CWC22: variants seen among roughly 807,000 people sequenced by gnomAD.
CWC22 encodes the protein CWC22 spliceosome associated protein, also known as pre-mRNA-splicing factor CWC22 homolog.
In CWC22, 53 loss-of-function variants were observed where a neutral mutation model predicts 117.2. That is an observed-to-expected ratio of 0.45 (90% CI 0.36 to 0.57). CWC22 has a LOEUF of 0.57. Ranked by LOEUF, CWC22 falls within the 20% of genes least tolerant of loss-of-function variation. The probability of loss-of-function intolerance (pLI) is 0.00; values close to 1 mark genes in which losing one functional copy is unlikely to be tolerated. For synonymous variants in CWC22, 360 were observed against 355.6 expected, an observed-to-expected ratio of 1.01 and a Z score of -0.14; for missense variants, 980 against 1,068.8, an observed-to-expected ratio of 0.92 and a Z score of 1.16.
chr2:179,993,451 T>C lies in CWC22; in HGVS notation c.-110A>G, dbSNP rs1687621585. 1.3e-6 allele frequency: 1 copy of C among 745,596 alleles called. No homozygotes were observed. Among genetic ancestry groups the C allele is most frequent in the Admixed American group, 2.2e-5 (1 of 45,778 alleles). The allele number at this position is 745,596 out of a possible 1,614,324, so 46.2% of individuals were successfully genotyped here. ...AGTTTACTTTTTCTGTCTGCAAACATCACCTATAAAATATACCAAAGAAAG... is the reference window on the plus strand; with the variant it reads ...AGTTTACTTTTTCTGTCTGCAAACACCACCTATAAAATATACCAAAGAAAG... On this transcript the variant is annotated 5_prime_UTR_variant, in exon 2 of 20. The change abolishes an upstream ATG in the 5' untranslated region. Transcript: ENST00000410053.
chr2:179,989,736 T>C (rs1687512392), intron 2 of CWC22, among the ~76,000 whole-genome samples: 1 of 152,166 alleles, frequency 6.6e-6, no homozygotes, highest in African/African-American at 2.4e-5. Context: ...TTTACCTCTG[T>C]ATATAGGTAA....
chr2:180,001,122 A>G (rs1042428015), intron 1 of CWC22, among the ~76,000 whole-genome samples: 2 of 152,170 alleles, frequency 1.3e-5, no homozygotes, highest in African/African-American at 4.8e-5. Context: ...CTGTCTCTTG[A>G]TTTACAGTAC....
Position 179,954,953 on chromosome 2 carries a change from T to C in CWC22, c.1536+4A>G. 6.5e-7 allele frequency: 1 copy of C among 1,532,982 alleles called. No individual in the cohort carries two copies. 95.0% of individuals were successfully genotyped at this position (1,532,982 alleles called of 1,614,324 possible). A position where few individuals can be genotyped will look rare whatever the true frequency, so the allele number is the denominator to read the frequency against. ...GAATTCCCTCAGTAGAGGCTGGAAC[T>C]CACCCCAGCTAATAAGCCAAAAAAT... is the stretch of plus-strand genomic sequence containing the variant. On this transcript the variant is annotated splice_donor_region_variant and intron_variant, in intron 15 of 19. Coordinates refer to ENST00000410053, the MANE Select transcript of CWC22 (RefSeq NM_020943.3).
intron 1 of CWC22, among the ~76,000 whole-genome samples, chr2:180,006,448 G>A (rs565901528): frequency 3.3e-5 from 5 of 152,296 alleles, no homozygotes; most frequent in Admixed American, 2.0e-4. Flanking sequence ...GTTATGGAAG[G>A]ATCAAGAATG....
chr2:179,969,037 T>C (rs567961572), intron 11 of CWC22, among the ~76,000 whole-genome samples: 108 of 152,278 alleles, frequency 7.1e-4, no homozygotes, highest in African/African-American at 2.0e-3. Context: ...TTGCCAATAA[T>C]TTTCAAGAGT....
chr2:179,963,215 C>T (rs1686798153), intron 13 of CWC22, among the ~76,000 whole-genome samples: 1 of 146,356 alleles, frequency 6.8e-6, no homozygotes, highest in Non-Finnish European at 1.5e-5. Context: ...CTGCTCACAA[C>T]TGATGACTGT....
chr2:179,985,145 C>G (rs1400365577), intron 4 of CWC22, among the ~76,000 whole-genome samples: 2 of 152,018 alleles, frequency 1.3e-5, no homozygotes, highest in African/African-American at 4.8e-5. Context: ...AACTTGAACT[C>G]TAATCTGCAT....
intron 1 of CWC22, among the ~76,000 whole-genome samples, chr2:179,994,164 A>G (rs1258867152): frequency 6.6e-6 from 1 of 152,240 alleles, no homozygotes. Context: ...ACTTGCATTC[A>G]AATATTTTAT....
intron 12 of CWC22, among the ~76,000 whole-genome samples, chr2:179,965,577 T>C (rs1686868465): frequency 6.6e-6 from 1 of 152,330 alleles, no homozygotes; most frequent in South Asian, 2.1e-4. Flanking sequence ...TAGAATATAA[T>C]CAAAGGCATA....
chr2:179,949,261 C>CATATA (rs1686388166), intron 19 of CWC22, among the ~76,000 whole-genome samples: 1 of 152,070 alleles, frequency 6.6e-6, no homozygotes, highest in Admixed American at 6.5e-5. Flanking sequence ...AAGAATGGGA[C>CATATA]TGGTTATTTG....
intron 13 of CWC22, among the ~76,000 whole-genome samples, chr2:179,961,405 G>T (rs1461834094): frequency 6.6e-6 from 1 of 151,848 alleles, no homozygotes; most frequent in South Asian, 2.1e-4. Flanking sequence ...GCACAACAGG[G>T]TAATAATCCA....
intron 15 of CWC22, 120 bp downstream of exon 15, chr2:179,954,837 G>A (rs1166439330): frequency 1.6e-6 from 1 of 638,670 alleles, no homozygotes; most frequent in Non-Finnish European, 2.8e-6. Flanking sequence ...AGGAAGGAGA[G>A]AATAATTTGC....
At position 179,988,643 on chromosome 2, in the gene CWC22, G is replaced by A. The variant is rs1163667396; in HGVS notation, c.29C>T (p.Pro10Leu). The A allele has an allele frequency of 6.7e-6, 10 of 1,486,654 alleles. No homozygotes were observed. Among genetic ancestry groups the A allele is most frequent in the Non-Finnish European group, 8.2e-6 (9 of 1,103,896 alleles). 92.1% of individuals were successfully genotyped at this position (1,486,654 alleles called of 1,614,324 possible). MKSSVAQIK[P>L]SSGHDRRENL... Reference sequence around the variant, plus strand: ...TTCCCTTCTGTCATGACCAGAAGAAGGCTTTAAAAGAGGAAAAGGGGAAAA... The same window carrying A: ...TTCCCTTCTGTCATGACCAGAAGAAAGCTTTAAAAGAGGAAAAGGGGAAAA... The change falls in exon 3 of 20, where the codon CCT (proline) becomes CTT (leucine). Residue 10 changes from proline to leucine, a missense_variant and splice_region_variant. Pro to Leu is a moderately conservative substitution (Grantham distance 98). Around this residue, in one of 3 missense-constraint regions of CWC22, gnomAD observed 559 missense variants for 602.3 expected, o/e 0.93. Transcript: ENST00000410053.
intron 2 of CWC22, among the ~76,000 whole-genome samples, chr2:179,989,365 T>G (rs1330682846): frequency 3.9e-5 from 6 of 152,062 alleles, no homozygotes; most frequent in Non-Finnish European, 1.5e-5. Flanking sequence ...TCAAGTGATC[T>G]TCTCGCCTCA....
chr2:179,976,018 T>G (rs545479092), intron 6 of CWC22, among the ~76,000 whole-genome samples: 2 of 152,180 alleles, frequency 1.3e-5, no homozygotes, highest in African/African-American at 4.8e-5. Context: ...TACAAAGTTA[T>G]AGTAATCAAA....
intron 14 of CWC22, among the ~76,000 whole-genome samples, chr2:179,957,065 T>C (rs993345464): frequency 1.3e-5 from 2 of 152,192 alleles, no homozygotes; most frequent in Admixed American, 6.5e-5. Context: ...ACTGAGGTTA[T>C]TTCTGGAATA....
intron 1 of CWC22, among the ~76,000 whole-genome samples, chr2:180,006,243 G>T (rs920027074): frequency 3.3e-5 from 5 of 152,254 alleles, no homozygotes; most frequent in Admixed American, 3.3e-4. Flanking sequence ...TCCAAATCCT[G>T]CCTTCTCCAC....
At chr2:179,948,793 C>T (rs1392490454) in intron 19 of CWC22, among the ~76,000 whole-genome samples, 1 of 152,066 alleles carries the variant, frequency 6.6e-6, no homozygotes, top group African/African-American at 2.4e-5. Context: ...ATGCAGAAAA[C>T]TGAGAATACA....
chr2:179,947,924 CA>C (rs1686351595), intron 19 of CWC22, among the ~76,000 whole-genome samples: 1 of 152,138 alleles, frequency 6.6e-6, no homozygotes, highest in Non-Finnish European at 1.5e-5. Flanking sequence ...GATAAGCAGA[CA>C]ATCCCTTATT....
Sources: allele counts gnomAD v4.1 joint callset (sites outside exome capture counted in the v4.1 genomes callset), GRCh38; gene constraint gnomAD v4.1.1; regional missense constraint gnomAD v4.1.1; transcripts MANE v1.5; gene names NCBI Gene and HGNC (gene_info 2026-07-23, HGNC 2026-07-21).